The following GRIN2A variants were observed in gnomAD, a reference collection of about 807,000 sequenced individuals.
GRIN2A encodes the protein glutamate ionotropic receptor NMDA type subunit 2A.
In GRIN2A, 22 loss-of-function variants were observed where a neutral mutation model predicts 113.4. That is an observed-to-expected ratio of 0.19 (90% confidence interval 0.14 to 0.28). The LOEUF is 0.28. Among genes scored for constraint, GRIN2A ranks in the 10% least tolerant of loss-of-function variants. GRIN2A has a pLI of 1.00. For missense variants in GRIN2A, 1,502 were observed against 1,887.0 expected, an observed-to-expected ratio of 0.80 and a Z score of 3.78; for synonymous variants, 827 against 738.4, an observed-to-expected ratio of 1.12 and a Z score of -1.94.
intron 2 of GRIN2A, among the ~76,000 whole-genome samples, chr16:9,984,181 A>G (rs765074277): frequency 5.3e-5 from 8 of 151,560 alleles, no homozygotes; most frequent in Admixed American, 2.6e-4. Context: ...GTCCATTTGC[A>G]TATCTTTAAG....
intron 11 of GRIN2A, among the ~76,000 whole-genome samples, chr16:9,784,727 C>G (rs1438067091): frequency 1.3e-5 from 2 of 152,120 alleles, no homozygotes; most frequent in Non-Finnish European, 2.9e-5. Context: ...CTACAATGAA[C>G]TCAAACAAAT....
chr16:9,839,566 T>C, intron 7 of GRIN2A, among the ~76,000 whole-genome samples: 1 of 152,208 alleles, frequency 6.6e-6, no homozygotes, highest in East Asian at 1.9e-4. Flanking sequence ...TAAATCATCG[T>C]GCAGTCATCA....
intron 3 of GRIN2A, among the ~76,000 whole-genome samples, chr16:9,891,701 G>T (rs573061362): frequency 2.0e-5 from 3 of 152,174 alleles, no homozygotes; most frequent in African/African-American, 7.2e-5. Flanking sequence ...CAAGGCTGAG[G>T]AAGTGCAGCT....
rs1456299683 is a variant in GRIN2A at position 9,890,929 on chromosome 16, C to T, written c.1122+57G>A. On this transcript the variant is annotated intron_variant, in intron 4 of 12. Transcript: ENST00000330684. ...TGGGAGAAAGAAGCACTGTGAGCCC[C>T]TTTATTGCCCATGCTTTCTTCCCTC... 11 of 1,086,092 alleles carry T rather than the reference C, an allele frequency of 1.0e-5. No homozygotes were observed. In the South Asian group the frequency reaches 1.4e-4, roughly 13 times the overall value. The allele number at this position is 1,086,092 out of a possible 1,614,324, so 67.3% of individuals were successfully genotyped here.
chr16:10,128,751 CAG>C (rs2048998962), intron 2 of GRIN2A, among the ~76,000 whole-genome samples: 1 of 152,176 alleles, frequency 6.6e-6, no homozygotes, highest in Non-Finnish European at 1.5e-5. Context: ...TGCTAAGAAA[CAG>C]ATGCAAAACA....
intron 2 of GRIN2A, among the ~76,000 whole-genome samples, chr16:10,170,834 G>T (rs1044368872): frequency 1.6e-4 from 24 of 151,006 alleles, no homozygotes; most frequent in African/African-American, 5.6e-4. Context: ...CTATGATCAT[G>T]CCACTGCACT....
At chr16:10,104,955 T>C (rs10153211) in intron 2 of GRIN2A, among the ~76,000 whole-genome samples, 7,355 of 152,192 alleles carry the variant, frequency 0.048, 313 homozygotes, top group African/African-American at 0.12. Flanking sequence ...AGGTGCTAAA[T>C]GTTACGAGAG....
chr16:9,957,680 A>G (rs1435071909), intron 2 of GRIN2A, among the ~76,000 whole-genome samples: 2 of 152,200 alleles, frequency 1.3e-5, no homozygotes, highest in Non-Finnish European at 2.9e-5. Flanking sequence ...ATTACCAACC[A>G]CAGCAAAGCA....
intron 2 of GRIN2A, among the ~76,000 whole-genome samples, chr16:10,136,117 C>G (rs985563635): frequency 3.3e-5 from 5 of 152,140 alleles, no homozygotes; most frequent in Non-Finnish European, 7.3e-5. Flanking sequence ...CATCACTCTC[C>G]CTTTTACACT....
rs1271248592 is a variant in GRIN2A at position 10,055,083 on chromosome 16, AAAGAAAAAAG to A, written c.415-116542_415-116533del. On this transcript the variant is annotated intron_variant, in intron 2 of 12. Coordinates refer to ENST00000330684, the MANE Select transcript of GRIN2A (RefSeq NM_001134407.3). The stretch of plus-strand genomic sequence containing the variant: ...AAAAAAAAAAAAAAAAAAAAAAAAA[AAAGAAAAAAG>A]AAAGAAAGAAAGAAAAAAGAAAAAA... Among the ~76,000 whole-genome samples, 346 of 76,954 alleles carry A rather than the reference AAAGAAAAAAG, an allele frequency of 4.5e-3. 49 individuals carry two copies. Among genetic ancestry groups the A allele is most frequent in the East Asian group, 0.019 (23 of 1,208 alleles). The allele number at this position is 76,954 out of a possible 152,430, so 50.5% of individuals were successfully genotyped here.
At chr16:9,809,603 A>G (rs9932138) in intron 10 of GRIN2A, among the ~76,000 whole-genome samples, 45,912 of 151,722 alleles carry the variant, frequency 0.3, 7,345 homozygotes, top group African/African-American at 0.39. Flanking sequence ...GCAATATAGC[A>G]TAATGGTTAA....
chr16:10,063,910 A>G (rs981819695), intron 2 of GRIN2A, among the ~76,000 whole-genome samples: 1 of 152,062 alleles, frequency 6.6e-6, no homozygotes, highest in Non-Finnish European at 1.5e-5. Flanking sequence ...GGAAGCTGCC[A>G]CTTTATTCAT....
rs545772402 is a variant in GRIN2A, at chr16:9,988,553, T to C, written c.415-50002A>G. Among the ~76,000 whole-genome samples, 10 of 151,954 alleles carry C rather than the reference T, an allele frequency of 6.6e-5. No homozygotes were observed. The South Asian group carries it at 1.9e-3, about 28-fold the overall frequency. On this transcript the variant is annotated intron_variant, in intron 2 of 12. Transcript: ENST00000330684. ...GTGTGTACCAATTAATCTCTCTCTC[T>C]CTCTCTCTCTAACACAAACACACAT...
At chr16:9,976,129 C>G (rs758088830) in intron 2 of GRIN2A, among the ~76,000 whole-genome samples, 7 of 152,150 alleles carry the variant, frequency 4.6e-5, no homozygotes, top group Non-Finnish European at 8.8e-5. Context: ...TGTAATTAAG[C>G]TATTCTAAAG....
intron 2 of GRIN2A, among the ~76,000 whole-genome samples, chr16:10,131,976 C>T (rs780261381): frequency 6.6e-6 from 1 of 152,140 alleles, no homozygotes; most frequent in East Asian, 1.9e-4. Context: ...CTCCTCTAAG[C>T]TCCATATCCC....
chr16:9,929,765 C>T (rs886351282), intron 3 of GRIN2A, among the ~76,000 whole-genome samples: 2 of 152,114 alleles, frequency 1.3e-5, no homozygotes, highest in African/African-American at 2.4e-5. Flanking sequence ...AGTATTCATC[C>T]CTGGAGGAAA....
intron 2 of GRIN2A, among the ~76,000 whole-genome samples, chr16:10,044,022 T>TATATATATAGAGAGAGAG (rs531659457): frequency 3.7e-5 from 4 of 108,008 alleles, no homozygotes; most frequent in South Asian, 4.1e-4. Flanking sequence ...TATATATATA[T>TATATATATAGAGAGAGAG]AGAGAGAGAG....
At chr16:10,128,603 G>C (rs759902431) in intron 2 of GRIN2A, among the ~76,000 whole-genome samples, 33 of 152,326 alleles carry the variant, frequency 2.2e-4, no homozygotes, top group Admixed American at 3.9e-4. Context: ...CTCCAGGCAA[G>C]AGCATGAATC....
chr16:10,065,440 A>G (rs963752415), intron 2 of GRIN2A, among the ~76,000 whole-genome samples: 1 of 152,220 alleles, frequency 6.6e-6, no homozygotes, highest in African/African-American at 2.4e-5. Context: ...ACTTCAGGTT[A>G]ATTACACCCA....
Sources: allele counts gnomAD v4.1 joint callset (sites outside exome capture counted in the v4.1 genomes callset), GRCh38; gene constraint gnomAD v4.1.1; transcripts MANE v1.5; gene names NCBI Gene and HGNC (gene_info 2026-07-23, HGNC 2026-07-21).